AIPL1: variants seen among roughly 807,000 people sequenced by gnomAD.
AIPL1 encodes AIP like 1 HSP90 co-chaperone.
A neutral mutation model predicts 32.9 loss-of-function variants in AIPL1; 23 were observed. That is an observed-to-expected ratio of 0.70 (90% CI 0.50 to 0.99). The LOEUF is 0.99. Among genes scored for constraint, AIPL1 ranks in the 50% least tolerant of loss-of-function variants. The pLI is 0.00. For synonymous variants in AIPL1, 210 were observed against 209.4 expected, an observed-to-expected ratio of 1.00 and a Z score of -0.02; for missense variants, 485 against 506.0, an observed-to-expected ratio of 0.96 and a Z score of 0.40.
intron 5 of AIPL1, chr17:6,426,192 T>C: frequency 1.6e-6 from 2 of 1,278,752 alleles, no homozygotes; most frequent in East Asian, 3.7e-5. Context: ...GACGTGTGCC[T>C]GATGCATGAG....
rs532228875 is a variant in AIPL1, at chr17:6,434,807, C to A, written c.96+202G>T. 34 of 874,158 alleles carry A rather than the reference C, an allele frequency of 3.9e-5. No individual in the cohort carries two copies. In the East Asian group the frequency reaches 8.9e-4, roughly 23 times the overall value. The allele number at this position is 874,158 out of a possible 1,614,324, so 54.2% of individuals were successfully genotyped here. ...AATTCCCAAAAGCCCTTCCCCTCAG[C>A]CCATGCTAAAGTTGAATCTGCAAAG... is the stretch of plus-strand genomic sequence containing the variant. On this transcript the variant is annotated intron_variant, in intron 1 of 5. Coordinates refer to ENST00000381129, the MANE Select transcript of AIPL1 (RefSeq NM_014336.5).
At chr17:6,428,650 C>T (rs1912254221) in intron 2 of AIPL1, 144 bp from the exon 3 acceptor site, 1 of 773,318 alleles carries the variant, frequency 1.3e-6, no homozygotes, top group Non-Finnish European at 2.2e-6. Context: ...AACTGTGTGC[C>T]AGGCAAAGCA....
intron 1 of AIPL1, among the ~76,000 whole-genome samples, chr17:6,434,306 TC>T (rs1297523091): frequency 3.1e-5 from 4 of 130,506 alleles, no homozygotes; most frequent in African/African-American, 8.5e-5. Flanking sequence ...CCCATTCCAC[TC>T]CCCACAGCCC....
chr17:6,434,350 C>T (rs1202605515), intron 1 of AIPL1, among the ~76,000 whole-genome samples: 1 of 130,716 alleles, frequency 7.7e-6, no homozygotes, highest in Non-Finnish European at 1.6e-5. Context: ...CAAGTAAGCC[C>T]GAGTTCTTTT....
rs781250190 is a variant in AIPL1 at position 6,426,563 on chromosome 17, G to A, written c.784+52C>T. The A allele has an allele frequency of 4.4e-6, 7 of 1,590,294 alleles. No homozygotes were observed. In the South Asian group the frequency reaches 6.7e-5, roughly 15 times the overall value. On this transcript the variant is annotated intron_variant, in intron 5 of 5. Transcript: ENST00000381129. The stretch of plus-strand genomic sequence containing the variant: ...CAGGAAGGCTATGGCAGGTGTCTCC[G>A]TGGCCCTGGGCTGGGCGCCCCCTCA...
intron 1 of AIPL1, 70 bp downstream of exon 1, chr17:6,434,939 C>T: frequency 6.2e-7 from 1 of 1,610,098 alleles, no homozygotes; most frequent in Non-Finnish European, 8.5e-7. Flanking sequence ...TTTACAGTGC[C>T]TTGGGGCACA....
intron 3 of AIPL1, among the ~76,000 whole-genome samples, chr17:6,427,479 T>G (rs1356477974): frequency 6.6e-6 from 1 of 152,102 alleles, no homozygotes. Context: ...GTTGACACAG[T>G]TCTTATTTTA....
rs144848948 is a variant in AIPL1, at chr17:6,433,837, C to G, written c.276+82G>C. 6.3e-3 allele frequency: 9,657 copies of G among 1,528,146 alleles called. 29 individuals are homozygous for G. The highest frequency in any genetic ancestry group is 7.7e-3 in the Non-Finnish European group (8,647 of 1,129,166). 94.7% of individuals were successfully genotyped at this position (1,528,146 alleles called of 1,614,324 possible). A position where few individuals can be genotyped will look rare whatever the true frequency, so the allele number is the denominator to read the frequency against. On this transcript the variant is annotated intron_variant, in intron 2 of 5. Coordinates refer to ENST00000381129, the MANE Select transcript of AIPL1 (RefSeq NM_014336.5). ...AGCTTCGCTTGAGTCCCAGCTTTCC[C>G]GAAACACAGCAGCCCCGCAAAGCGG...
intron 3 of AIPL1, among the ~76,000 whole-genome samples, chr17:6,427,827 T>G (rs1912147601): frequency 6.6e-6 from 1 of 152,106 alleles, no homozygotes; most frequent in Non-Finnish European, 1.5e-5. Flanking sequence ...TTTTTTTCTT[T>G]TTTTTGGACA....
In AIPL1 at chr17:6,425,304, ATTG is replaced by A. The variant is rs886053262; in HGVS notation, c.*153_*155del. The A allele has an allele frequency of 1.8e-5, 14 of 779,222 alleles. No homozygotes were observed. The highest frequency in any genetic ancestry group is 4.6e-5 in the South Asian group (2 of 43,948). The allele number at this position is 779,222 out of a possible 1,614,324, so 48.3% of individuals were successfully genotyped here. A position where few individuals can be genotyped will look rare whatever the true frequency, so the allele number is the denominator to read the frequency against. The stretch of plus-strand genomic sequence containing the variant: ...TCATAAGCTCTTCTGTACCCTTGGG[ATTG>A]TTTTTTTTTTTTTTTTTACCATGGG... On this transcript the variant is annotated 3_prime_UTR_variant, in exon 6 of 6. Transcript: ENST00000381129.
intron 2 of AIPL1, among the ~76,000 whole-genome samples, chr17:6,431,441 G>A (rs1268665369): frequency 2.0e-5 from 3 of 150,902 alleles, no homozygotes; most frequent in Non-Finnish European, 4.4e-5. Flanking sequence ...GGATGACAGA[G>A]TGAAACTCCA....
intron 2 of AIPL1, among the ~76,000 whole-genome samples, chr17:6,429,586 A>G (rs1303533839): frequency 1.3e-5 from 2 of 152,184 alleles, no homozygotes; most frequent in Non-Finnish European, 2.9e-5. Flanking sequence ...TCGGCACCCC[A>G]TGGCTCCCAG....
intron 2 of AIPL1, among the ~76,000 whole-genome samples, chr17:6,432,543 C>T (rs76850720): frequency 0.041 from 6,157 of 151,966 alleles, 259 homozygotes; most frequent in South Asian, 0.11. Context: ...AAAGAAAATT[C>T]AACAGTGACT....
chr17:6,432,166 C>G (rs1203328808), intron 2 of AIPL1, among the ~76,000 whole-genome samples: 1 of 152,102 alleles, frequency 6.6e-6, no homozygotes, highest in East Asian at 1.9e-4. Context: ...GGGCGGATCA[C>G]AAGGTCAAGA....
In AIPL1 at chr17:6,434,992, G is replaced by T. The variant is rs552445309; in HGVS notation, c.96+17C>A. 5 of 1,614,106 alleles carry T rather than the reference G, an allele frequency of 3.1e-6. No individual in the cohort carries two copies. The East Asian group carries it at 8.9e-5, about 29-fold the overall frequency. On this transcript the variant is annotated intron_variant, in intron 1 of 5. Coordinates refer to ENST00000381129, the MANE Select transcript of AIPL1 (RefSeq NM_014336.5). ...TGCTGTGGGGGACCCTGTCTGCTCC[G>T]GAGGGGCCCCACTCACTCGGGATCC...
chr17:6,430,628 A>C, intron 2 of AIPL1, among the ~76,000 whole-genome samples: 1 of 152,184 alleles, frequency 6.6e-6, no homozygotes, highest in Non-Finnish European at 1.5e-5. Flanking sequence ...TCAATCAACT[A>C]ATCAAGAATT....
At chr17:6,433,611 T>TCTCACACACA (rs758622569) in intron 2 of AIPL1, among the ~76,000 whole-genome samples, 14 of 106,298 alleles carry the variant, frequency 1.3e-4, no homozygotes, top group Middle Eastern at 4.4e-3. Flanking sequence ...TCTCTCTCTC[T>TCTCACACACA]CACACACACA....
intron 1 of AIPL1, 96 bp from the exon 2 acceptor site, chr17:6,434,194 G>A (rs1438734789): frequency 1.4e-6 from 2 of 1,395,902 alleles, no homozygotes; most frequent in African/African-American, 2.8e-5. Flanking sequence ...TGTCCCCAGG[G>A]TCAGCTCACT....
At chr17:6,430,044 GGTGTGTGT>G (rs34593943) in intron 2 of AIPL1, among the ~76,000 whole-genome samples, 1,613 of 144,820 alleles carry the variant, frequency 0.011, 7 homozygotes, top group African/African-American at 0.02. Context: ...CTCTAGAAGG[GGTGTGTGT>G]GTGTGTGTGT....
Sources: allele counts gnomAD v4.1 joint callset (sites outside exome capture counted in the v4.1 genomes callset), GRCh38; gene constraint gnomAD v4.1.1; transcripts MANE v1.5; gene names NCBI Gene and HGNC (gene_info 2026-07-23, HGNC 2026-07-21).